KCTD17: variants seen among roughly 807,000 people sequenced by gnomAD.
KCTD17 encodes the protein potassium channel tetramerization domain containing 17, also known as BTB/POZ domain-containing protein KCTD17.
KCTD17 carries 20 observed loss-of-function variants against 41.5 expected under a neutral mutation model. The observed-to-expected ratio is 0.48, with a 90% CI of 0.34 to 0.70. The LOEUF is 0.70. Among genes scored for constraint, KCTD17 ranks in the 30% least tolerant of loss-of-function variants. The pLI is 0.01. For missense variants in KCTD17, 317 were observed against 427.2 expected (o/e 0.74, Z 2.27); for synonymous variants, 156 against 173.8 (o/e 0.90, Z 0.80).
At position 37,051,999 on chromosome 22, in the gene KCTD17, C is replaced by T. The variant is rs1202338539; in HGVS notation, c.189+50C>T. The T allele has an allele frequency of 1.3e-5, 18 of 1,343,188 alleles. No homozygotes were observed. The Admixed American group carries it at 4.7e-4, about 35-fold the overall frequency. 83.2% of individuals were successfully genotyped at this position (1,343,188 alleles called of 1,614,324 possible). A position where few individuals can be genotyped will look rare whatever the true frequency, so the allele number is the denominator to read the frequency against. ...AGCGGGCGGTGGGTCCTCCGCTCGC[C>T]CGACGCGGGGCTGTCGGGCCTGGCT... On this transcript the variant is annotated intron_variant, in intron 1 of 8. Transcript: ENST00000403888.
intron 5 of KCTD17, among the ~76,000 whole-genome samples, chr22:37,059,691 C>T (rs376451630): frequency 2.0e-5 from 3 of 152,196 alleles, no homozygotes; most frequent in South Asian, 2.1e-4. Flanking sequence ...TGAAGGGGGC[C>T]GCTTAGTGGC....
intron 4 of KCTD17, 99 bp downstream of exon 4, chr22:37,057,592 C>A: frequency 1.1e-6 from 1 of 902,406 alleles, no homozygotes; most frequent in Non-Finnish European, 1.7e-6. Context: ...GCCTTGGGTT[C>A]CCCACCACAG....
chr22:37,052,175 A>C, intron 1 of KCTD17: 3 of 557,398 alleles, frequency 5.4e-6, no homozygotes, highest in African/African-American at 1.9e-5. Flanking sequence ...CGGCCATTAG[A>C]AGCTCTCCAG....
intron 8 of KCTD17, 200 bp from the exon 9 acceptor site, chr22:37,062,325 T>A: frequency 1.0e-6 from 1 of 984,216 alleles, no homozygotes; most frequent in Middle Eastern, 5.2e-4. Context: ...TCCCCCCAAC[T>A]CAGTTCTGAA....
At chr22:37,055,562 C>T (rs1172996819) in intron 2 of KCTD17, among the ~76,000 whole-genome samples, 10 of 152,164 alleles carry the variant, frequency 6.6e-5, no homozygotes, top group South Asian at 6.2e-4. Context: ...CTAGGGGAGT[C>T]GAAACAGCTG....
intron 5 of KCTD17, among the ~76,000 whole-genome samples, chr22:37,060,448 T>A (rs1053825253): frequency 2.6e-5 from 4 of 152,084 alleles, no homozygotes; most frequent in Non-Finnish European, 1.5e-5. Context: ...CCCTGGGGCT[T>A]CCTTGGCCAC....
intron 6 of KCTD17, 29 bp downstream of exon 6, chr22:37,060,951 C>T (rs1350909463): frequency 6.5e-7 from 1 of 1,535,898 alleles, no homozygotes; most frequent in African/African-American, 1.4e-5. Flanking sequence ...AGGATGATTG[C>T]TAAGCAAAGC....
chr22:37,058,135 A>G (rs1925357579), intron 4 of KCTD17, among the ~76,000 whole-genome samples: 1 of 152,220 alleles, frequency 6.6e-6, no homozygotes, highest in Admixed American at 6.5e-5. Flanking sequence ...AGAGCCAGAA[A>G]GTGAGCCCAG....
chr22:37,060,680 A>G, intron 5 of KCTD17, 143 bp from the exon 6 acceptor site: 4 of 1,266,984 alleles, frequency 3.2e-6, no homozygotes, highest in East Asian at 2.7e-5. Context: ...AGATGCCCCC[A>G]GCTTCTGTGG....
intron 8 of KCTD17, 92 bp from the exon 9 acceptor site, chr22:37,062,433 C>T (rs1925901053): frequency 1.5e-6 from 2 of 1,292,988 alleles, no homozygotes; most frequent in Non-Finnish European, 2.1e-6. Context: ...CCGTCAATCT[C>T]CTCTCCGCCC....
In KCTD17 at chr22:37,053,467, G is replaced by A. The variant is rs986497284; in HGVS notation, c.298+259G>A. Among the ~76,000 whole-genome samples, 8 of 152,264 alleles carry A rather than the reference G, an allele frequency of 5.3e-5. No homozygotes were observed. Among genetic ancestry groups the A allele is most frequent in the East Asian group, 1.9e-4 (1 of 5,206 alleles). On this transcript the variant is annotated intron_variant, in intron 2 of 8. Coordinates refer to ENST00000403888, the MANE Select transcript of KCTD17 (RefSeq NM_001282684.2). The surrounding 1 kb of genome is among the most constrained non-coding windows in gnomAD (Gnocchi z 4.1). ...TGTGCAGGGGATAGAGGAAGTCAGCGAGGCCCTGTGGCCTCTGCTGTGGGC... is the reference window on the plus strand; with the variant it reads ...TGTGCAGGGGATAGAGGAAGTCAGCAAGGCCCTGTGGCCTCTGCTGTGGGC...
Position 37,062,759 on chromosome 22 carries a change from G to T in KCTD17, c.*165G>T, listed in dbSNP as rs79883813. On this transcript the variant is annotated 3_prime_UTR_variant, in exon 9 of 9. Coordinates refer to ENST00000403888, the MANE Select transcript of KCTD17 (RefSeq NM_001282684.2). Reference sequence around the variant, plus strand: ...TCTTAAGGCCCAAGGTGGGCCCCAGGACCTCTGGGCAGAGTGGACTGCTCA... The same window carrying T: ...TCTTAAGGCCCAAGGTGGGCCCCAGTACCTCTGGGCAGAGTGGACTGCTCA... 7.0e-7 allele frequency: 1 copy of T among 1,426,548 alleles called. No homozygotes were observed. The highest frequency in any genetic ancestry group is 2.5e-5 in the East Asian group (1 of 40,120). 88.4% of individuals were successfully genotyped at this position (1,426,548 alleles called of 1,614,324 possible). A position where few individuals can be genotyped will look rare whatever the true frequency, so the allele number is the denominator to read the frequency against.
rs770794932 is a variant in KCTD17 at position 37,061,596 on chromosome 22, G to C, written c.842G>C (p.Arg281Pro). The C allele has an allele frequency of 3.3e-5, 53 of 1,600,664 alleles. No homozygotes were observed. In the South Asian group the frequency reaches 5.3e-4, roughly 16 times the overall value. ...EAELAVRASP[R>P]PLARPQSCHP... ...GAGCTTGCAGTGAGGGCTTCTCCTC[G>C]GCCCCTCGCCCGCCCCCAGAGCTGC... The change falls in exon 8 of 9, where the codon CGG (arginine) becomes CCG (proline). Residue 281 changes from arginine to proline, a missense_variant. Arg to Pro is a moderately radical substitution (Grantham distance 103, BLOSUM62 -2). Coordinates refer to ENST00000403888, the MANE Select transcript of KCTD17 (RefSeq NM_001282684.2). This position sits in a 1 kb window ranked among gnomAD's most constrained non-coding sequence, Gnocchi z 6.6.
At chr22:37,057,351 G>T in intron 3 of KCTD17, 47 bp from the exon 4 acceptor site, 2 of 1,479,770 alleles carry the variant, frequency 1.4e-6, no homozygotes, top group South Asian at 2.3e-5. Flanking sequence ...CTCCTGGGGT[G>T]CCTGGTGCTC....
At position 37,059,323 on chromosome 22, in the gene KCTD17, T is replaced by C. The variant is rs746742716; in HGVS notation, c.497T>C (p.Ile166Thr). The change falls in exon 5 of 9, where the codon ATC (isoleucine) becomes ACC (threonine). Residue 166 changes from isoleucine (I) to threonine (T), a missense_variant. Ile to Thr is a moderately conservative substitution (Grantham distance 89). This residue lies in a region of KCTD17 where 177 missense variants were observed against 194.4 expected (regional missense o/e 0.91). Coordinates refer to ENST00000403888, the MANE Select transcript of KCTD17 (RefSeq NM_001282684.2). ...GCTCCGCCCCTCTAGCTGGTGAACA[T>C]CGGCTCCTCCTACAACTACGGCAGC... The part of the protein sequence containing the change: ...DGWRFEQLVN[I>T]GSSYNYGSED... 1.2e-6 allele frequency: 2 copies of C among 1,612,854 alleles called. No individual in the cohort carries two copies. The highest frequency in any genetic ancestry group is 1.1e-5 in the South Asian group (1 of 91,080).
chr22:37,062,424 C>G, intron 8 of KCTD17, 101 bp from the exon 9 acceptor site: 1 of 1,357,206 alleles, frequency 7.4e-7, no homozygotes, highest in Non-Finnish European at 9.7e-7. Flanking sequence ...CTCCCCCACC[C>G]GTCAATCTCC....
intron 2 of KCTD17, chr22:37,054,964 C>A (rs545091881): frequency 1.3e-5 from 2 of 152,330 alleles, no homozygotes; most frequent in East Asian, 1.9e-4. Flanking sequence ...AAATTTATTT[C>A]TCTTGGTCCT....
Position 37,062,793 on chromosome 22 carries a change from G to A in KCTD17, c.*199G>A. 1.7e-6 allele frequency: 2 copies of A among 1,206,024 alleles called. No homozygotes were observed. Among genetic ancestry groups the A allele is most frequent in the South Asian group, 1.7e-5 (1 of 60,290 alleles). The allele number at this position is 1,206,024 out of a possible 1,614,324, so 74.7% of individuals were successfully genotyped here. On this transcript the variant is annotated 3_prime_UTR_variant, in exon 9 of 9. Coordinates refer to ENST00000403888, the MANE Select transcript of KCTD17 (RefSeq NM_001282684.2). ...GCAGAGTGGACTGCTCATGGCAGAT[G>A]TGTGGCAATGTCTGGCTGTGTCTCT...
intron 3 of KCTD17, among the ~76,000 whole-genome samples, 185 bp downstream of exon 3, chr22:37,056,596 C>T (rs1270799657): frequency 6.6e-6 from 1 of 152,114 alleles, no homozygotes; most frequent in Non-Finnish European, 1.5e-5. Flanking sequence ...GCCCCAGACT[C>T]GGAGACGGAC....
Sources: gnomAD v4.1 joint callset for allele counts (sites outside exome capture counted in the v4.1 genomes callset) on GRCh38, gnomAD v4.1.1 for gene constraint, gnomAD v4.1.1 regional missense constraint, Gnocchi (gnomAD v3.1) non-coding constraint, MANE v1.5 for transcripts, NCBI Gene and HGNC (gene_info 2026-07-23, HGNC 2026-07-21) for gene names.